FAM120A: variants seen among roughly 807,000 people sequenced by gnomAD.
FAM120A encodes the protein constitutive coactivator of PPAR-gamma-like protein 1.
In FAM120A, 15 loss-of-function variants were observed where a neutral mutation model predicts 109.7. That is an observed-to-expected ratio of 0.14 (90% CI 0.09 to 0.21). The LOEUF (loss-of-function observed/expected upper bound fraction) is 0.21, where lower values mean the gene tolerates loss of function less well. FAM120A is among the 10% of genes least tolerant of loss of function. FAM120A has a pLI of 1.00. For missense variants in FAM120A, 899 were observed against 1,439.3 expected, an observed-to-expected ratio of 0.62 and a Z score of 6.07; for synonymous variants, 493 against 572.8, an observed-to-expected ratio of 0.86 and a Z score of 1.99.
At chr9:93,492,496 G>A (rs1204503525) in intron 3 of FAM120A, among the ~76,000 whole-genome samples, 1 of 152,166 alleles carries the variant, frequency 6.6e-6, no homozygotes, top group African/African-American at 2.4e-5. Context: ...CCTTAGGACA[G>A]CACCTCTGAC....
intron 10 of FAM120A, among the ~76,000 whole-genome samples, chr9:93,538,816 T>C (rs1265500785): frequency 6.6e-6 from 1 of 152,204 alleles, no homozygotes; most frequent in Non-Finnish European, 1.5e-5. Context: ...CAAGGTGGCT[T>C]AGTTGTCATG....
At chr9:93,551,068 G>C (rs1339188089) in intron 12 of FAM120A, among the ~76,000 whole-genome samples, 2 of 152,102 alleles carry the variant, frequency 1.3e-5, no homozygotes, top group Non-Finnish European at 2.9e-5. Context: ...CATCTAGCAA[G>C]GATTCTTTTT....
At chr9:93,467,643 T>C (rs1858109322) in intron 1 of FAM120A, among the ~76,000 whole-genome samples, 1 of 152,206 alleles carries the variant, frequency 6.6e-6, no homozygotes, top group Non-Finnish European at 1.5e-5. Flanking sequence ...GTCCTTTATC[T>C]TTTGTTTTAG....
At chr9:93,504,610 G>A (rs529386974) in intron 5 of FAM120A, among the ~76,000 whole-genome samples, 37 of 152,234 alleles carry the variant, frequency 2.4e-4, no homozygotes, top group African/African-American at 8.7e-4. Flanking sequence ...TTATATTATT[G>A]TGTTTCATTC....
intron 2 of FAM120A, among the ~76,000 whole-genome samples, chr9:93,475,248 G>A (rs923856781): frequency 7.2e-5 from 11 of 152,042 alleles, no homozygotes; most frequent in African/African-American, 2.2e-4. Context: ...CATTTTGACC[G>A]CCTTTTGACT....
chr9:93,522,763 G>A (rs1417484174), intron 7 of FAM120A, among the ~76,000 whole-genome samples: 1 of 152,136 alleles, frequency 6.6e-6, no homozygotes, highest in Admixed American at 6.5e-5. Flanking sequence ...TTTTTATTTT[G>A]ACATGTAGTG....
At chr9:93,455,663 G>T (rs766049797) in intron 1 of FAM120A, among the ~76,000 whole-genome samples, 2 of 151,852 alleles carry the variant, frequency 1.3e-5, no homozygotes, top group Non-Finnish European at 2.9e-5. Context: ...TTTGCTTAGA[G>T]AAATCTTTTT....
chr9:93,460,801 T>C (rs966396506), intron 1 of FAM120A, among the ~76,000 whole-genome samples: 4 of 152,180 alleles, frequency 2.6e-5, no homozygotes, highest in African/African-American at 4.8e-5. Context: ...GGCAGAAAGA[T>C]GGTAGGAAGC....
rs7034881 is a variant in FAM120A, at chr9:93,462,341, C to T, written c.475-8800C>T. On this transcript the variant is annotated intron_variant, in intron 1 of 17. Coordinates refer to ENST00000277165, the MANE Select transcript of FAM120A (RefSeq NM_014612.5). ...TGTCACCAAGGCTGTAGCGCAGTAG[C>T]GTGATCTCAGCCCACTGCAACCTCT... Among the ~76,000 whole-genome samples the T allele has an allele frequency of 8.5e-5, 13 of 152,144 alleles. No homozygotes were observed. The East Asian group carries it at 1.2e-3, about 14-fold the overall frequency.
intron 3 of FAM120A, among the ~76,000 whole-genome samples, chr9:93,494,293 C>T (rs949888452): frequency 6.6e-6 from 1 of 152,224 alleles, no homozygotes; most frequent in Non-Finnish European, 1.5e-5. Context: ...TCCTTCAGGA[C>T]ATTTGAAGGA....
chr9:93,532,488 C>T lies in FAM120A; in HGVS notation c.1909+159C>T, dbSNP rs534841558. ...GGGGCAGTAGGCCAGGGTAAAGGCT[C>T]TTAGAAAAGGAGGAGAAGCCACAGA... On this transcript the variant is annotated intron_variant, in intron 10 of 17. Coordinates refer to ENST00000277165, the MANE Select transcript of FAM120A (RefSeq NM_014612.5). The surrounding 1 kb of genome is among the most constrained non-coding windows in gnomAD (Gnocchi z 4.3). 9 of 673,362 alleles carry T rather than the reference C, an allele frequency of 1.3e-5. No homozygotes were observed. The highest frequency in any genetic ancestry group is 5.4e-5 in the East Asian group (2 of 36,808). The allele number at this position is 673,362 out of a possible 1,614,324, so 41.7% of individuals were successfully genotyped here. A position where few individuals can be genotyped will look rare whatever the true frequency, so the allele number is the denominator to read the frequency against.
intron 3 of FAM120A, among the ~76,000 whole-genome samples, chr9:93,497,134 C>T (rs1182259314): frequency 3.3e-5 from 5 of 152,146 alleles, no homozygotes; most frequent in Non-Finnish European, 5.9e-5. Flanking sequence ...CTTTGTGCTT[C>T]GCTTGTTATG....
intron 11 of FAM120A, among the ~76,000 whole-genome samples, chr9:93,545,780 CTTTTTTTTTTTTT>C (rs774150537): frequency 3.1e-4 from 20 of 65,512 alleles, no homozygotes; most frequent in African/African-American, 1.1e-3. Flanking sequence ...GGAAAGACTC[CTTTTTTTTTTTTT>C]TTTTTTTTTT....
In FAM120A at chr9:93,565,627, C is replaced by G. The variant is rs1467615745; in HGVS notation, c.*1087C>G. On this transcript the variant is annotated 3_prime_UTR_variant, in exon 18 of 18. Coordinates refer to ENST00000277165, the MANE Select transcript of FAM120A (RefSeq NM_014612.5). Reference sequence around the variant, plus strand: ...ATTCACTGCTGTATGCATTATTGTTCTTTGTTGCTGTTTTATGCCTTCATA... The same window carrying G: ...ATTCACTGCTGTATGCATTATTGTTGTTTGTTGCTGTTTTATGCCTTCATA... 3.3e-5 allele frequency: 5 copies of G among 149,484 alleles called. No homozygotes were observed. In the East Asian group the frequency reaches 1.0e-3, roughly 30 times the overall value. 9.3% of individuals were successfully genotyped at this position (149,484 alleles called of 1,614,324 possible).
In FAM120A at chr9:93,498,524, G is replaced by A. The variant is rs1295014885; in HGVS notation, c.934-266G>A. Among the ~76,000 whole-genome samples the A allele has an allele frequency of 6.6e-6, 1 of 152,210 alleles. No homozygotes were observed. The highest frequency in any genetic ancestry group is 2.4e-5 in the African/African-American group (1 of 41,448). On this transcript the variant is annotated intron_variant, in intron 4 of 17. Transcript: ENST00000277165. The surrounding 1 kb of genome is among the most constrained non-coding windows in gnomAD (Gnocchi z 4.4). ...AGAGACCGAGCAGAGTGGAAGTCAG[G>A]GAAGTCCTAGAGCTAGAACCCAGGG...
At chr9:93,454,148 A>C (rs1857439285) in intron 1 of FAM120A, among the ~76,000 whole-genome samples, 1 of 152,216 alleles carries the variant, frequency 6.6e-6, no homozygotes. Context: ...TTTAAGCTCC[A>C]TTTAAGATCG....
At chr9:93,467,105 A>G (rs911739770) in intron 1 of FAM120A, among the ~76,000 whole-genome samples, 3 of 152,160 alleles carry the variant, frequency 2.0e-5, no homozygotes, top group Non-Finnish European at 4.4e-5. Flanking sequence ...ATTTGCATAC[A>G]TTAAAGTTTA....
chr9:93,494,679 G>A (rs1426335278), intron 3 of FAM120A, among the ~76,000 whole-genome samples: 2 of 152,170 alleles, frequency 1.3e-5, no homozygotes, highest in South Asian at 4.1e-4. Context: ...CCATCATGCT[G>A]TGAAGCATGT....
At chr9:93,476,568 C>T (rs562875141) in intron 3 of FAM120A, among the ~76,000 whole-genome samples, 43 of 152,150 alleles carry the variant, frequency 2.8e-4, no homozygotes, top group Admixed American at 1.3e-3. Flanking sequence ...GAAAATTTCC[C>T]TTAAGGAATT....
Sources: gnomAD v4.1 joint callset for allele counts (sites outside exome capture counted in the v4.1 genomes callset) on GRCh38, gnomAD v4.1.1 for gene constraint, Gnocchi (gnomAD v3.1) non-coding constraint, MANE v1.5 for transcripts, NCBI Gene and HGNC (gene_info 2026-07-23, HGNC 2026-07-21) for gene names.